The following MAP4K4 variants were observed in gnomAD, a reference collection of about 807,000 sequenced individuals.
MAP4K4 encodes the protein HPK/GCK-like kinase HGK.
A neutral mutation model predicts 189.6 loss-of-function variants in MAP4K4; 38 were observed. The ratio of observed to expected loss-of-function variants is 0.20; its 90% CI spans 0.15 to 0.26. The LOEUF is 0.26. Among genes scored for constraint, MAP4K4 ranks in the 10% least tolerant of loss-of-function variants. MAP4K4 has a pLI of 1.00. For synonymous variants in MAP4K4, 610 were observed against 624.3 expected (o/e 0.98, Z 0.34); for missense variants, 1,054 against 1,726.9 (o/e 0.61, Z 6.91).
intron 2 of MAP4K4, among the ~76,000 whole-genome samples, chr2:101,767,953 A>G (rs916664070): frequency 4.6e-5 from 7 of 152,148 alleles, no homozygotes; most frequent in African/African-American, 1.4e-4. Flanking sequence ...TGGACTTACT[A>G]TAAATCAAAA....
chr2:101,862,457 A>T (rs542906065), intron 16 of MAP4K4, among the ~76,000 whole-genome samples: 1 of 152,138 alleles, frequency 6.6e-6, no homozygotes, highest in South Asian at 2.1e-4. Flanking sequence ...AGACTACTAG[A>T]ATAGGTCTGA....
chr2:101,885,035 G>A (rs1577412751), intron 28 of MAP4K4, among the ~76,000 whole-genome samples, 152 bp from the exon 29 acceptor site: 1 of 152,318 alleles, frequency 6.6e-6, no homozygotes, highest in African/African-American at 2.4e-5. Flanking sequence ...ACTGTGAGGT[G>A]TGATCTCTCT....
chr2:101,739,925 T>C (rs1444946052), intron 2 of MAP4K4, among the ~76,000 whole-genome samples: 1 of 152,328 alleles, frequency 6.6e-6, no homozygotes, highest in East Asian at 1.9e-4. Context: ...TCTCACCTTA[T>C]GTCTGAGATT....
chr2:101,877,737 T>TTTTA (rs1294777002), intron 27 of MAP4K4, among the ~76,000 whole-genome samples: 3 of 148,874 alleles, frequency 2.0e-5, no homozygotes, highest in Non-Finnish European at 4.5e-5. Context: ...TATGTCTCTT[T>TTTTA]TTTACTTATT....
chr2:101,747,342 C>T lies in MAP4K4; in HGVS notation c.124-43378C>T, dbSNP rs367791108. 1.1e-3 allele frequency among the ~76,000 whole-genome samples: 170 copies of T among 152,242 alleles called. 1 individual carries two copies. Among genetic ancestry groups the T allele is most frequent in the African/African-American group, 3.9e-3 (161 of 41,536 alleles). ...CCATGTTGGCCAGGCTGGTGTTGAACTCCTGACCTCAGGTGGTAGGCCCGC... is the reference window on the plus strand; with the variant it reads ...CCATGTTGGCCAGGCTGGTGTTGAATTCCTGACCTCAGGTGGTAGGCCCGC... On this transcript the variant is annotated intron_variant, in intron 2 of 32. Transcript: ENST00000324219.
At chr2:101,751,144 A>G (rs1447366358) in intron 2 of MAP4K4, among the ~76,000 whole-genome samples, 7 of 152,208 alleles carry the variant, frequency 4.6e-5, no homozygotes, top group Admixed American at 4.6e-4. Flanking sequence ...CTTTTCAGCT[A>G]TGCATTGGCA....
chr2:101,790,516 A>C (rs999317579), intron 2 of MAP4K4, among the ~76,000 whole-genome samples: 1 of 152,254 alleles, frequency 6.6e-6, no homozygotes, highest in African/African-American at 2.4e-5. Context: ...TCATTTGTTC[A>C]TCGAATTGTC....
At chr2:101,847,811 T>G (rs2097155649) in intron 12 of MAP4K4, among the ~76,000 whole-genome samples, 1 of 152,216 alleles carries the variant, frequency 6.6e-6, no homozygotes. Context: ...TAGTGTACGC[T>G]AATGTTCAAG....
At chr2:101,797,888 A>ATTTTTTTTTTTTTTTTTTTTTTTTT (rs1558971586) in intron 3 of MAP4K4, among the ~76,000 whole-genome samples, 2 of 7,618 alleles carry the variant, frequency 2.6e-4, no homozygotes, top group Non-Finnish European at 4.6e-4. Context: ...ACATTCTTTT[A>ATTTTTTTTTTTTTTTTTTTTTTTTT]GTTTTTTTTT....
intron 3 of MAP4K4, among the ~76,000 whole-genome samples, chr2:101,803,245 ATGTG>A (rs6146862): frequency 2.0e-5 from 3 of 150,244 alleles, no homozygotes; most frequent in Non-Finnish European, 3.0e-5. Flanking sequence ...GATGATGATG[ATGTG>A]TGTGTGTGTG....
intron 16 of MAP4K4, chr2:101,861,721 T>C (rs2097662351): frequency 1.3e-5 from 2 of 152,322 alleles, no homozygotes; most frequent in Non-Finnish European, 1.5e-5. Context: ...AGATCATGGC[T>C]AAAGATCTTA....
chr2:101,769,883 A>G (rs1371644191), intron 2 of MAP4K4, among the ~76,000 whole-genome samples: 1 of 152,114 alleles, frequency 6.6e-6, no homozygotes, highest in Non-Finnish European at 1.5e-5. Context: ...TGCCCGGCCC[A>G]GAAATGTCTT....
At chr2:101,881,784 CAT>C (rs1559325022) in intron 27 of MAP4K4, among the ~76,000 whole-genome samples, 1 of 152,108 alleles carries the variant, frequency 6.6e-6, no homozygotes, top group Non-Finnish European at 1.5e-5. Context: ...TTGATATGAT[CAT>C]ATGATTTTTC....
intron 3 of MAP4K4, among the ~76,000 whole-genome samples, chr2:101,811,128 C>T (rs1361749714): frequency 6.6e-6 from 1 of 152,082 alleles, no homozygotes; most frequent in African/African-American, 2.4e-5. Flanking sequence ...AATCCCAGCA[C>T]TTTGGGAGGC....
At chr2:101,885,753 T>G (rs778410878) in intron 29 of MAP4K4, among the ~76,000 whole-genome samples, 1 of 152,206 alleles carries the variant, frequency 6.6e-6, no homozygotes, top group Non-Finnish European at 1.5e-5. Flanking sequence ...GTTAAAATAT[T>G]TCATATGATT....
intron 12 of MAP4K4, among the ~76,000 whole-genome samples, chr2:101,853,388 A>G (rs1477742382): frequency 1.3e-5 from 2 of 152,210 alleles, no homozygotes; most frequent in Non-Finnish European, 2.9e-5. Flanking sequence ...AAGAGAAGAT[A>G]CTGTATTTAT....
intron 3 of MAP4K4, among the ~76,000 whole-genome samples, chr2:101,806,472 T>G (rs984653649): frequency 4.0e-5 from 6 of 150,468 alleles, no homozygotes; most frequent in African/African-American, 1.5e-4. Context: ...ACCTCCCAGG[T>G]TCAAGCATTT....
chr2:101,862,134 C>G (rs755275439), intron 16 of MAP4K4: 6 of 148,044 alleles, frequency 4.1e-5, no homozygotes, highest in Non-Finnish European at 8.9e-5. Context: ...ACTCAGGAGG[C>G]TGAGGCAGGA....
intron 3 of MAP4K4, among the ~76,000 whole-genome samples, chr2:101,806,191 A>G (rs2094910611): frequency 6.6e-6 from 1 of 152,138 alleles, no homozygotes; most frequent in Non-Finnish European, 1.5e-5. Flanking sequence ...ACATTTTGTC[A>G]TACCTAGGAA....
Sources: gnomAD v4.1 joint callset for allele counts (sites outside exome capture counted in the v4.1 genomes callset) on GRCh38, gnomAD v4.1.1 for gene constraint, MANE v1.5 for transcripts, NCBI Gene and HGNC (gene_info 2026-07-23, HGNC 2026-07-21) for gene names.